Variants in WASF3 observed in about 807,000 individuals in gnomAD.
WASF3 encodes the protein actin-binding protein WASF3.
Under a neutral mutation model 46.6 loss-of-function variants are expected in WASF3, and 11 were observed. The observed-to-expected ratio is 0.24, with a 90% confidence interval of 0.15 to 0.39. WASF3 has a LOEUF of 0.39. Among genes scored for constraint, WASF3 ranks in the 10% least tolerant of loss-of-function variants. The pLI is 1.00. For missense variants in WASF3, 576 were observed against 669.8 expected (o/e 0.86, Z 1.55); for synonymous variants, 242 against 259.7 (o/e 0.93, Z 0.65).
At chr13:26,606,320 TCGTGTG>T in intron 1 of WASF3, among the ~76,000 whole-genome samples, 1 of 104,650 alleles carries the variant, frequency 9.6e-6, no homozygotes, top group African/African-American at 3.5e-5. Flanking sequence ...CTCTTTTTTT[TCGTGTG>T]TGTGTGTGTG....
the WASF3 span, among the ~76,000 whole-genome samples, chr13:26,549,764 C>T: frequency 2.6e-5 from 4 of 152,184 alleles, no homozygotes; most frequent in South Asian, 8.3e-4. Flanking sequence ...AAAGCCATTG[C>T]ATAAATAACC....
At chr13:26,628,305 C>T (rs187975934) in intron 2 of WASF3, among the ~76,000 whole-genome samples, 2 of 152,296 alleles carry the variant, frequency 1.3e-5, no homozygotes, top group Admixed American at 1.3e-4. Context: ...TAAAATTGTT[C>T]TACAAGGAAA....
rs909468339 is a variant in WASF3, at chr13:26,581,715, T to A, written c.-109+23896T>A. On this transcript the variant is annotated intron_variant, in intron 1 of 9. Coordinates refer to ENST00000335327, the MANE Select transcript of WASF3 (RefSeq NM_006646.6). Reference sequence around the variant, plus strand: ...AGCTATCAGAGTCTCTTGGCTTTTTTAAAAAATTAGCGCCTACTAGAGAGT... The same window carrying A: ...AGCTATCAGAGTCTCTTGGCTTTTTAAAAAAATTAGCGCCTACTAGAGAGT... Among the ~76,000 whole-genome samples, 18 of 152,322 alleles carry A rather than the reference T, an allele frequency of 1.2e-4. No individual in the cohort carries two copies. In the South Asian group the frequency reaches 2.1e-3, roughly 18 times the overall value.
intron 1 of WASF3, among the ~76,000 whole-genome samples, chr13:26,564,569 A>T (rs1341622495): frequency 6.6e-6 from 1 of 152,126 alleles, no homozygotes; most frequent in African/African-American, 2.4e-5. Context: ...GCATCCTCTC[A>T]TTGAGAGCTG....
At chr13:26,554,998 G>A (rs531367939), upstream of WASF3, among the ~76,000 whole-genome samples, 6 of 152,254 alleles carry the variant, frequency 3.9e-5, no homozygotes, top group East Asian at 1.9e-4. Flanking sequence ...CATTCCCATC[G>A]GCAATGGATG....
At position 26,670,363 on chromosome 13, in the gene WASF3, G is replaced by A. The variant is rs114721721; in HGVS notation, c.423-1509G>A. 3.1e-3 allele frequency among the ~76,000 whole-genome samples: 466 copies of A among 152,096 alleles called. 2 individuals carry two copies. Among genetic ancestry groups the A allele is most frequent in the African/African-American group, 0.011 (437 of 41,464 alleles). The stretch of plus-strand genomic sequence containing the variant: ...GCCTGTTGGGGGGTGAGGGACAAGG[G>A]GGAGGGATAGCATTAGGAGAACTAT... On this transcript the variant is annotated intron_variant, in intron 5 of 9. Transcript: ENST00000335327.
intron 1 of WASF3, among the ~76,000 whole-genome samples, chr13:26,562,472 A>G (rs1024232588): frequency 3.9e-5 from 6 of 152,170 alleles, no homozygotes; most frequent in Non-Finnish European, 7.4e-5. Flanking sequence ...GTAGACAGCA[A>G]TGCTCAAGAA....
chr13:26,543,126 T>C, the WASF3 span, among the ~76,000 whole-genome samples: 2 of 152,060 alleles, frequency 1.3e-5, no homozygotes, highest in Non-Finnish European at 2.9e-5. Flanking sequence ...AGCAGGAGGA[T>C]GTTGGGGTGA....
At chr13:26,601,404 C>CA (rs11455929) in intron 1 of WASF3, among the ~76,000 whole-genome samples, 149,021 of 152,290 alleles carry the variant, frequency 0.98, 72,933 homozygotes, top group East Asian at 1. Flanking sequence ...TTCCTGTGCT[C>CA]AAGGTTCTAC....
intron 5 of WASF3, among the ~76,000 whole-genome samples, chr13:26,668,393 A>C (rs1382265597): frequency 6.6e-6 from 1 of 151,784 alleles, no homozygotes; most frequent in East Asian, 1.9e-4. Context: ...TCCTCTCCCC[A>C]CCTCTGTACC....
chr13:26,573,207 G>A (rs1449378235), intron 1 of WASF3, among the ~76,000 whole-genome samples: 2 of 151,986 alleles, frequency 1.3e-5, no homozygotes, highest in Admixed American at 6.5e-5. Flanking sequence ...GGTAAACTCT[G>A]TTTTCCTATG....
intron 1 of WASF3, among the ~76,000 whole-genome samples, chr13:26,580,225 TA>T (rs922426943): frequency 4.6e-5 from 7 of 152,166 alleles, no homozygotes; most frequent in African/African-American, 1.7e-4. Flanking sequence ...TATCTTTCAT[TA>T]AAAAAATCTC....
chr13:26,667,206 A>G (rs1315461386), intron 4 of WASF3, among the ~76,000 whole-genome samples: 1 of 152,150 alleles, frequency 6.6e-6, no homozygotes, highest in African/African-American at 2.4e-5. Flanking sequence ...TGCCTGTTAC[A>G]TTCATAACTA....
At chr13:26,573,178 C>T (rs1879691483) in intron 1 of WASF3, among the ~76,000 whole-genome samples, 1 of 152,124 alleles carries the variant, frequency 6.6e-6, no homozygotes, top group Non-Finnish European at 1.5e-5. Context: ...AGCTTTCTAT[C>T]TCTATGGGTG....
At chr13:26,649,588 T>G (rs890957988) in intron 3 of WASF3, among the ~76,000 whole-genome samples, 5 of 152,192 alleles carry the variant, frequency 3.3e-5, no homozygotes, top group African/African-American at 1.2e-4. Context: ...GGGAACCGTT[T>G]CAGGGTTGCA....
intron 3 of WASF3, among the ~76,000 whole-genome samples, chr13:26,661,106 T>G (rs1264967786): frequency 6.6e-6 from 1 of 152,246 alleles, no homozygotes; most frequent in Non-Finnish European, 1.5e-5. Flanking sequence ...AATTCTATCA[T>G]GTCCCACCTC....
chr13:26,560,433 A>T (rs1879261027), intron 1 of WASF3, among the ~76,000 whole-genome samples: 1 of 151,952 alleles, frequency 6.6e-6, no homozygotes, highest in South Asian at 2.1e-4. Flanking sequence ...TTCAGAGGTA[A>T]CCATAATATA....
intron 2 of WASF3, 84 bp from the exon 3 acceptor site, chr13:26,642,177 A>G (rs2137410489): frequency 1.4e-6 from 2 of 1,403,626 alleles, no homozygotes; most frequent in South Asian, 1.7e-5. Flanking sequence ...TTCCTGGAAA[A>G]TAGTCAATTT....
chr13:26,612,295 C>T (rs2137224057), intron 1 of WASF3, among the ~76,000 whole-genome samples: 1 of 152,264 alleles, frequency 6.6e-6, no homozygotes, highest in South Asian at 2.1e-4. Context: ...TGTATGTATT[C>T]TTCCCAAGTA....
Sources: allele counts gnomAD v4.1 joint callset (sites outside exome capture counted in the v4.1 genomes callset), GRCh38; gene constraint gnomAD v4.1.1; transcripts MANE v1.5; gene names NCBI Gene and HGNC (gene_info 2026-07-23, HGNC 2026-07-21).